Variants in PCCA observed in about 807,000 individuals in gnomAD.
PCCA encodes the protein propionyl-CoA carboxylase subunit alpha.
PCCA carries 74 observed loss-of-function variants against 101.3 expected under a neutral mutation model. The ratio of observed to expected loss-of-function variants is 0.73; its 90% CI spans 0.61 to 0.89. The LOEUF is 0.89. Ranked by LOEUF, PCCA falls within the 40% of genes least tolerant of loss-of-function variation. The pLI is 0.00. For synonymous variants in PCCA, 294 were observed against 313.6 expected (o/e 0.94, Z 0.66); for missense variants, 891 against 907.0 (o/e 0.98, Z 0.23).
At chr13:100,286,364 G>A (rs1439136179) in intron 12 of PCCA, among the ~76,000 whole-genome samples, 3 of 152,168 alleles carry the variant, frequency 2.0e-5, no homozygotes, top group African/African-American at 7.2e-5. Flanking sequence ...TTGTTCCCCT[G>A]TTGGCTAGGG....
At chr13:100,426,082 C>T (rs991690015) in intron 20 of PCCA, among the ~76,000 whole-genome samples, 18 of 151,608 alleles carry the variant, frequency 1.2e-4, no homozygotes, top group Admixed American at 1.2e-3. Flanking sequence ...CTTTTCTGTG[C>T]AGTTGAAATT....
chr13:100,187,869 T>C (rs1383863323), intron 6 of PCCA, among the ~76,000 whole-genome samples: 1 of 152,168 alleles, frequency 6.6e-6, no homozygotes, highest in Admixed American at 6.5e-5. Context: ...GTGTACACTG[T>C]ACCCAAGGTG....
chr13:100,337,732 C>G (rs1566956224), intron 17 of PCCA, among the ~76,000 whole-genome samples: 2 of 152,192 alleles, frequency 1.3e-5, no homozygotes, highest in African/African-American at 2.4e-5. Flanking sequence ...AGATGAAATA[C>G]TGATTGAGCA....
rs113356477 is a variant in PCCA, at chr13:100,530,325, T to G, written c.*159T>G. 7.8e-4 allele frequency: 536 copies of G among 687,954 alleles called. 2 individuals are homozygous for G. The African/African-American group carries it at 8.4e-3, about 11-fold the overall frequency. The allele number at this position is 687,954 out of a possible 1,614,324, so 42.6% of individuals were successfully genotyped here. ...TCAAGACCAATATTCTGCCAAAAAA[T>G]CACCAATGGAAATTTTCATTGATAT... On this transcript the variant is annotated 3_prime_UTR_variant, in exon 24 of 24. Transcript: ENST00000376285.
At chr13:100,150,699 T>A (rs1388140053) in intron 4 of PCCA, 1 of 1,559,698 alleles carries the variant, frequency 6.4e-7, no homozygotes. Context: ...TCAGTGAGGA[T>A]AACCTCAAAA....
intron 18 of PCCA, among the ~76,000 whole-genome samples, chr13:100,352,636 C>G (rs1327689201): frequency 1.3e-5 from 2 of 152,060 alleles, no homozygotes; most frequent in African/African-American, 4.8e-5. Context: ...TCAAGTGATC[C>G]TCCCACCTCA....
intron 19 of PCCA, among the ~76,000 whole-genome samples, chr13:100,401,486 C>T (rs1024978618): frequency 6.6e-6 from 1 of 152,156 alleles, no homozygotes; most frequent in Non-Finnish European, 1.5e-5. Flanking sequence ...TTGTGATCCA[C>T]CCACCTTGGC....
At chr13:100,148,932 C>A (rs1321730401) in intron 4 of PCCA, among the ~76,000 whole-genome samples, 1 of 151,936 alleles carries the variant, frequency 6.6e-6, no homozygotes, top group Non-Finnish European at 1.5e-5. Flanking sequence ...TCCAAAATAA[C>A]CATGAATAAA....
chr13:100,108,342 A>G (rs1256737511), intron 2 of PCCA, among the ~76,000 whole-genome samples: 3 of 152,156 alleles, frequency 2.0e-5, no homozygotes, highest in Admixed American at 2.0e-4. Flanking sequence ...AGGATCCAGG[A>G]TCCTAATTTA....
chr13:100,433,238 T>G (rs533882860), intron 20 of PCCA, among the ~76,000 whole-genome samples: 7 of 152,224 alleles, frequency 4.6e-5, no homozygotes, highest in Non-Finnish European at 7.4e-5. Context: ...ACATTCCCAT[T>G]AGCAGTGCAC....
At chr13:100,446,800 G>A (rs561688386) in intron 20 of PCCA, among the ~76,000 whole-genome samples, 3 of 152,276 alleles carry the variant, frequency 2.0e-5, no homozygotes, top group Admixed American at 6.5e-5. Flanking sequence ...CTAGAAATAA[G>A]TTTTATGTGC....
At chr13:100,109,002 T>G (rs566795795) in intron 2 of PCCA, among the ~76,000 whole-genome samples, 18 of 152,216 alleles carry the variant, frequency 1.2e-4, no homozygotes, top group Non-Finnish European at 2.1e-4. Flanking sequence ...TTAATAGCCC[T>G]TAACAGAGAA....
At chr13:100,319,006 G>C (rs1183993727) in intron 16 of PCCA, among the ~76,000 whole-genome samples, 1 of 152,108 alleles carries the variant, frequency 6.6e-6, no homozygotes, top group Non-Finnish European at 1.5e-5. Context: ...GTTGTTTCCT[G>C]ACTTTTTAAT....
At chr13:100,479,233 C>T (rs2083682442) in intron 21 of PCCA, among the ~76,000 whole-genome samples, 1 of 152,234 alleles carries the variant, frequency 6.6e-6, no homozygotes, top group Admixed American at 6.5e-5. Flanking sequence ...CCATTCATCA[C>T]AGGGATGCCT....
In PCCA at chr13:100,155,162, T is replaced by TA. The variant is rs3215976; in HGVS notation, c.414+81dup. The TA allele has an allele frequency of 0.3, 237,855 of 792,024 alleles. 18,677 individuals are homozygous for TA. Among genetic ancestry groups the TA allele is most frequent in the East Asian group, 0.54 (18,322 of 33,968 alleles). 49.1% of individuals were successfully genotyped at this position (792,024 alleles called of 1,614,324 possible). A position where few individuals can be genotyped will look rare whatever the true frequency, so the allele number is the denominator to read the frequency against. ...TGAGCAGAAAGCTAGAGTTTGTATT[T>TA]AAAAAAAAAAATAGGAAAGAATGAT... On this transcript the variant is annotated intron_variant, in intron 5 of 23. Transcript: ENST00000376285.
intron 8 of PCCA, among the ~76,000 whole-genome samples, chr13:100,240,551 C>G (rs780156750): frequency 7.9e-5 from 12 of 151,938 alleles, no homozygotes; most frequent in Non-Finnish European, 1.8e-4. Flanking sequence ...TAACTATTTT[C>G]TAAATTTCTG....
intron 20 of PCCA, among the ~76,000 whole-genome samples, chr13:100,445,154 CA>C (rs1260575163): frequency 1.3e-5 from 2 of 152,126 alleles, no homozygotes; most frequent in Non-Finnish European, 1.5e-5. Flanking sequence ...TTTAAACAAC[CA>C]GCTTTCTCAG....
intron 21 of PCCA, among the ~76,000 whole-genome samples, chr13:100,474,468 C>G (rs1463541418): frequency 2.3e-5 from 3 of 131,012 alleles, no homozygotes; most frequent in African/African-American, 8.1e-5. Context: ...CTCTCTCTCT[C>G]TGTCTCTGTC....
intron 18 of PCCA, among the ~76,000 whole-genome samples, chr13:100,352,753 A>C (rs1177804860): frequency 1.3e-5 from 2 of 151,998 alleles, no homozygotes; most frequent in African/African-American, 4.8e-5. Context: ...CCAGGCTAGA[A>C]TACAGTGGTG....
Sources: allele counts gnomAD v4.1 joint callset (sites outside exome capture counted in the v4.1 genomes callset), GRCh38; gene constraint gnomAD v4.1.1; transcripts MANE v1.5; gene names NCBI Gene and HGNC (gene_info 2026-07-23, HGNC 2026-07-21).